Variants in PLS1 observed in about 807,000 individuals in gnomAD.
PLS1 encodes the protein plastin 1.
In PLS1, 32 loss-of-function variants were observed where a neutral mutation model predicts 73.7. The ratio of observed to expected loss-of-function variants is 0.43; its 90% confidence interval spans 0.33 to 0.58. PLS1 has a LOEUF of 0.58. PLS1 is among the 20% of genes least tolerant of loss of function. The pLI is 0.04. For synonymous variants in PLS1, 217 were observed against 261.3 expected (o/e 0.83, Z 1.63); for missense variants, 633 against 740.5 (o/e 0.85, Z 1.68).
chr3:142,642,996 G>C (rs912580163), intron 1 of PLS1, among the ~76,000 whole-genome samples: 1 of 152,182 alleles, frequency 6.6e-6, no homozygotes, highest in Admixed American at 6.6e-5. Flanking sequence ...GCATGAGCCT[G>C]TTCCCAGCCT....
chr3:142,669,127 G>A (rs2037546221), intron 2 of PLS1, among the ~76,000 whole-genome samples: 1 of 152,092 alleles, frequency 6.6e-6, no homozygotes, highest in Non-Finnish European at 1.5e-5. Flanking sequence ...GCTCACTACA[G>A]CCTCGAACTC....
chr3:142,656,136 ATT>A (rs1464262758), intron 1 of PLS1, among the ~76,000 whole-genome samples: 1 of 152,042 alleles, frequency 6.6e-6, no homozygotes, highest in Non-Finnish European at 1.5e-5. Context: ...TAATTTTTGC[ATT>A]TTTAGTAGAG....
chr3:142,687,140 T>C (rs968815593), intron 9 of PLS1, among the ~76,000 whole-genome samples: 1 of 152,040 alleles, frequency 6.6e-6, no homozygotes, highest in African/African-American at 2.4e-5. Context: ...GTCCAGTCTT[T>C]TGGCTTCCCT....
intron 1 of PLS1, among the ~76,000 whole-genome samples, chr3:142,652,892 T>C (rs1346058601): frequency 6.6e-6 from 1 of 152,260 alleles, no homozygotes; most frequent in African/African-American, 2.4e-5. Flanking sequence ...TTTGAACCTC[T>C]GTGTTTGAGT....
Position 142,713,512 on chromosome 3 carries a change from T to C in PLS1, c.*1505T>C, listed in dbSNP as rs1369990182. 1 of 152,612 alleles carries C rather than the reference T, an allele frequency of 6.6e-6. No individual in the cohort carries two copies. The highest frequency in any genetic ancestry group is 1.5e-5 in the Non-Finnish European group (1 of 68,012). The allele number at this position is 152,612 out of a possible 1,614,324, so 9.5% of individuals were successfully genotyped here. ...GTTTTCTTAAGATTAAGATATGTTC[T>C]TGCTCTTTTATAAGATTATTTAAAT... is the stretch of plus-strand genomic sequence containing the variant. On this transcript the variant is annotated 3_prime_UTR_variant, in exon 16 of 16. Transcript: ENST00000457734.
intron 1 of PLS1, among the ~76,000 whole-genome samples, chr3:142,642,938 A>C (rs929246614): frequency 3.3e-5 from 5 of 151,850 alleles, no homozygotes; most frequent in Non-Finnish European, 7.4e-5. Context: ...TGATCTGCCT[A>C]CCCCACCACC....
intron 1 of PLS1, among the ~76,000 whole-genome samples, chr3:142,615,600 G>A (rs1271670318): frequency 1.3e-5 from 2 of 152,100 alleles, no homozygotes; most frequent in East Asian, 3.9e-4. Context: ...CTGGGCCCGT[G>A]TCCAAATGGC....
At chr3:142,681,649 C>T (rs780829943) in intron 6 of PLS1, among the ~76,000 whole-genome samples, 33 of 152,122 alleles carry the variant, frequency 2.2e-4, no homozygotes, top group Non-Finnish European at 3.2e-4. Flanking sequence ...CCTATCTTTC[C>T]GCATCAACAC....
chr3:142,646,156 A>C (rs1029431473), intron 1 of PLS1, among the ~76,000 whole-genome samples: 5 of 152,168 alleles, frequency 3.3e-5, no homozygotes, highest in African/African-American at 1.2e-4. Context: ...GTTGCTGTGA[A>C]GATTCGATGA....
At chr3:142,648,391 G>T (rs1471360958) in intron 1 of PLS1, among the ~76,000 whole-genome samples, 1 of 152,146 alleles carries the variant, frequency 6.6e-6, no homozygotes, top group African/African-American at 2.4e-5. Context: ...AACTAAAATT[G>T]TTGCGGCTGT....
chr3:142,667,799 G>A (rs1201915341), intron 2 of PLS1, among the ~76,000 whole-genome samples: 2 of 152,110 alleles, frequency 1.3e-5, no homozygotes, highest in African/African-American at 4.8e-5. Context: ...TAATCTATGT[G>A]TGTATTTCAG....
intron 1 of PLS1, among the ~76,000 whole-genome samples, chr3:142,618,268 C>A (rs1369776842): frequency 6.6e-6 from 1 of 152,124 alleles, no homozygotes; most frequent in African/African-American, 2.4e-5. Context: ...GCCTACCCCC[C>A]ACCCTGCTGC....
At chr3:142,634,025 A>G (rs13073986) in intron 1 of PLS1, among the ~76,000 whole-genome samples, 1,890 of 152,356 alleles carry the variant, frequency 0.012, 21 homozygotes, top group South Asian at 0.025. Flanking sequence ...TAAAACCTAC[A>G]GCACTTGAGA....
chr3:142,630,902 A>G (rs1027774492), intron 1 of PLS1, among the ~76,000 whole-genome samples: 3 of 150,704 alleles, frequency 2.0e-5, no homozygotes, highest in Non-Finnish European at 4.4e-5. Flanking sequence ...AGACATATAT[A>G]TAGACCAATG....
chr3:142,609,907 C>T (rs1302939799), intron 1 of PLS1, among the ~76,000 whole-genome samples: 2 of 152,156 alleles, frequency 1.3e-5, no homozygotes, highest in East Asian at 1.9e-4. Context: ...CTTGCTCTTT[C>T]GCGCAGGCTG....
intron 1 of PLS1, among the ~76,000 whole-genome samples, chr3:142,626,570 C>T (rs1332013556): frequency 6.6e-6 from 1 of 152,116 alleles, no homozygotes; most frequent in Non-Finnish European, 1.5e-5. Context: ...AATATGTATG[C>T]AAGATACTGT....
intron 1 of PLS1, among the ~76,000 whole-genome samples, chr3:142,633,592 G>T (rs1423105186): frequency 6.6e-6 from 1 of 152,144 alleles, no homozygotes; most frequent in Non-Finnish European, 1.5e-5. Flanking sequence ...GGAGGTGGAG[G>T]TTGCAGTGAG....
At chr3:142,704,109 A>G (rs1053110829) in intron 13 of PLS1, 108 bp downstream of exon 13, 11 of 793,158 alleles carry the variant, frequency 1.4e-5, no homozygotes, top group Admixed American at 5.9e-5. Flanking sequence ...GAAATATACA[A>G]TGCAAAATAT....
chr3:142,666,990 G>A (rs1023678485), intron 2 of PLS1, among the ~76,000 whole-genome samples: 2 of 152,146 alleles, frequency 1.3e-5, no homozygotes, highest in African/African-American at 4.8e-5. Flanking sequence ...TTGTTTTGTT[G>A]TTGTTGTCGA....
Sources: allele counts gnomAD v4.1 joint callset (sites outside exome capture counted in the v4.1 genomes callset), GRCh38; gene constraint gnomAD v4.1.1; transcripts MANE v1.5; gene names NCBI Gene and HGNC (gene_info 2026-07-23, HGNC 2026-07-21).